The following PIEZO2 variants were observed in gnomAD, a reference collection of about 807,000 sequenced individuals.
PIEZO2 encodes the protein piezo type mechanosensitive ion channel component 2, also known as piezo-type mechanosensitive ion channel component 2.
PIEZO2 carries 172 observed loss-of-function variants against 337.3 expected under a neutral mutation model. The ratio of observed to expected loss-of-function variants is 0.51; its 90% CI spans 0.45 to 0.58. PIEZO2 has a LOEUF of 0.58. PIEZO2 is among the 20% of genes least tolerant of loss of function. PIEZO2 has a pLI of 0.00. For synonymous variants in PIEZO2, 1,251 were observed against 1,228.5 expected, an observed-to-expected ratio of 1.02 and a Z score of -0.38; for missense variants, 3,028 against 3,391.3, an observed-to-expected ratio of 0.89 and a Z score of 2.66.
chr18:10,737,267 A>G (rs1403319812), intron 33 of PIEZO2, among the ~76,000 whole-genome samples: 2 of 147,592 alleles, frequency 1.4e-5, no homozygotes. Flanking sequence ...GGGACAAAAC[A>G]TACATGGCAA....
intron 1 of PIEZO2, among the ~76,000 whole-genome samples, chr18:11,086,364 C>CA (rs1345419623): frequency 2.0e-5 from 3 of 151,728 alleles, no homozygotes; most frequent in Non-Finnish European, 4.4e-5. Flanking sequence ...ACTAAAAATA[C>CA]AAAAAATTAG....
At chr18:10,985,135 T>A (rs1335795461) in intron 2 of PIEZO2, among the ~76,000 whole-genome samples, 2 of 152,072 alleles carry the variant, frequency 1.3e-5, no homozygotes, top group Non-Finnish European at 2.9e-5. Flanking sequence ...CGTGAAAATA[T>A]ATGAAGGTAT....
At position 10,689,862 on chromosome 18, in the gene PIEZO2, A is replaced by G. The variant is rs142235560; in HGVS notation, c.7350-60T>C. ...GTGGGTGGCCCCCACCACCCTGCTC[A>G]CCCAGGAGCTCAAGCAGTTCCTTAA... On this transcript the variant is annotated intron_variant, in intron 48 of 55. Transcript: ENST00000674853. 69 of 1,545,056 alleles carry G rather than the reference A, an allele frequency of 4.5e-5. No homozygotes were observed. The African/African-American group carries it at 7.8e-4, about 17-fold the overall frequency.
rs869210659 is a variant in PIEZO2, at chr18:10,809,260, C to CTTTTTTTTTTTT, written c.918-1998_918-1987dup. On this transcript the variant is annotated intron_variant, in intron 7 of 55. Coordinates refer to ENST00000674853, the MANE Select transcript of PIEZO2 (RefSeq NM_001378183.1). ...ACCTAAGATTTCTCTCTCTCTCTCT[C>CTTTTTTTTTTTT]TTTTTTTTTTTTTTTTTTTTTTTTT... 4.6e-4 allele frequency among the ~76,000 whole-genome samples: 30 copies of CTTTTTTTTTTTT among 65,804 alleles called. 3 individuals carry two copies. Among genetic ancestry groups the CTTTTTTTTTTTT allele is most frequent in the African/African-American group, 1.5e-3 (25 of 16,988 alleles). The allele number at this position is 65,804 out of a possible 152,430, so 43.2% of individuals were successfully genotyped here.
Position 10,716,768 on chromosome 18 carries a change from A to T in PIEZO2, c.5090-952T>A, listed in dbSNP as rs1211979417. ...TAAAGGGGAAGCTTGGCTCTGGAGGATGAAAGGCTTGGAGTTACACCCATC... is the reference window on the plus strand; with the variant it reads ...TAAAGGGGAAGCTTGGCTCTGGAGGTTGAAAGGCTTGGAGTTACACCCATC... On this transcript the variant is annotated intron_variant, in intron 37 of 55. Coordinates refer to ENST00000674853, the MANE Select transcript of PIEZO2 (RefSeq NM_001378183.1). The surrounding 1 kb of genome is among the most constrained non-coding windows in gnomAD (Gnocchi z 4.1). Among the ~76,000 whole-genome samples the T allele has an allele frequency of 6.6e-6, 1 of 151,546 alleles. No homozygotes were observed. The highest frequency in any genetic ancestry group is 1.5e-5 in the Non-Finnish European group (1 of 68,018).
rs373502676 is a variant in PIEZO2, at chr18:11,131,390, C to T, written c.64+17135G>A. ...CTGTCTTCTCTCCCACAGCCTGCACCGATGGCCTCATGGGGAGTTCCCTAT... is the reference window on the plus strand; with the variant it reads ...CTGTCTTCTCTCCCACAGCCTGCACTGATGGCCTCATGGGGAGTTCCCTAT... On this transcript the variant is annotated intron_variant, in intron 1 of 55. Coordinates refer to ENST00000674853, the MANE Select transcript of PIEZO2 (RefSeq NM_001378183.1). This position sits in a 1 kb window ranked among gnomAD's most constrained non-coding sequence, Gnocchi z 5.3. Among the ~76,000 whole-genome samples, 4 of 152,272 alleles carry T rather than the reference C, an allele frequency of 2.6e-5. No homozygotes were observed. The highest frequency in any genetic ancestry group is 1.9e-4 in the East Asian group (1 of 5,170).
At position 10,705,336 on chromosome 18, in the gene PIEZO2, T is replaced by C. The variant is rs1410565532; in HGVS notation, c.5999A>G (p.Lys2000Arg). ...ELTASELLLK[K>R]MFHDDELEES... is the part of the protein sequence containing the mutation. ...TCTGATCTGTTCACTGGACCCTTAC[T>C]TTTTCAGCAGCAGCTCGCTGGCCGT... The change falls in exon 41 of 56, where the codon AAG becomes AGG. Residue 2000 changes from lysine (K) to arginine (R), a missense_variant and splice_region_variant. This residue lies in a region of PIEZO2 where 1,925 missense variants were observed against 2,051.9 expected (regional missense o/e 0.94). Coordinates refer to ENST00000674853, the MANE Select transcript of PIEZO2 (RefSeq NM_001378183.1). 16 of 1,529,878 alleles carry C rather than the reference T, an allele frequency of 1.0e-5. No individual in the cohort carries two copies. Among genetic ancestry groups the C allele is most frequent in the Non-Finnish European group, 1.4e-5 (16 of 1,142,882 alleles). The allele number at this position is 1,529,878 out of a possible 1,614,324, so 94.8% of individuals were successfully genotyped here.
chr18:10,732,763 GC>G (rs2036837049), intron 35 of PIEZO2, among the ~76,000 whole-genome samples: 1 of 152,260 alleles, frequency 6.6e-6, no homozygotes, highest in Admixed American at 6.5e-5. Context: ...ATGTTTATTG[GC>G]TATGTTAATT....
Position 11,059,039 on chromosome 18 carries a change from C to T in PIEZO2, c.160+7088G>A, listed in dbSNP as rs199537631. On this transcript the variant is annotated intron_variant, in intron 2 of 55. Coordinates refer to ENST00000674853, the MANE Select transcript of PIEZO2 (RefSeq NM_001378183.1). Reference sequence around the variant, plus strand: ...GGGTTACCCACAAAGGGAAGCCCACCAGACTAACAGCTGATTTCTCGGCAG... The same window carrying T: ...GGGTTACCCACAAAGGGAAGCCCACTAGACTAACAGCTGATTTCTCGGCAG... Among the ~76,000 whole-genome samples the T allele has an allele frequency of 4.9e-4, 74 of 152,284 alleles. 2 individuals are homozygous for T. In the East Asian group the frequency reaches 0.013, roughly 27 times the overall value.
At chr18:10,919,318 C>T (rs528191595) in intron 3 of PIEZO2, among the ~76,000 whole-genome samples, 75 of 152,142 alleles carry the variant, frequency 4.9e-4, no homozygotes, top group African/African-American at 1.7e-3. Context: ...CTAACTTCCC[C>T]GAATAGAACT....
chr18:10,688,978 T>C (rs545889418), intron 49 of PIEZO2, among the ~76,000 whole-genome samples: 54 of 152,272 alleles, frequency 3.5e-4, no homozygotes, highest in African/African-American at 1.3e-3. Context: ...CCCATGACTG[T>C]AACGCTGAAA....
At chr18:10,765,403 AT>A (rs1278603965) in intron 21 of PIEZO2, among the ~76,000 whole-genome samples, 1 of 152,172 alleles carries the variant, frequency 6.6e-6, no homozygotes, top group Non-Finnish European at 1.5e-5. Context: ...TGTGGGCTGG[AT>A]CCCGGGGGTC....
chr18:10,998,085 A>G (rs1210347581), intron 2 of PIEZO2, among the ~76,000 whole-genome samples: 1 of 152,194 alleles, frequency 6.6e-6, no homozygotes, highest in African/African-American at 2.4e-5. Flanking sequence ...AACTATGAAG[A>G]CTAGCATACA....
intron 1 of PIEZO2, among the ~76,000 whole-genome samples, chr18:11,141,070 A>G (rs1254670514): frequency 1.3e-5 from 2 of 152,176 alleles, no homozygotes; most frequent in South Asian, 2.1e-4. Context: ...ACCCGCTCCA[A>G]TCACCTACAT....
chr18:10,702,028 G>A lies in PIEZO2; in HGVS notation c.6402C>T (p.Ile2134=), dbSNP rs761268161. The part of the protein sequence containing the change: ...KKEGYVLYDL[I]QLLALFFHRS... ...GATGAAAGAACAGAGCCAGGAGCTG[G>A]ATGAGGTCATAGAGAACATAACCTT... Residue 2134 remains isoleucine, a synonymous_variant, in exon 43 of 56, where the codon ATC becomes ATT. Transcript: ENST00000674853. The A allele has an allele frequency of 2.0e-6, 3 of 1,533,772 alleles. No homozygotes were observed. Among genetic ancestry groups the A allele is most frequent in the African/African-American group, 2.7e-5 (2 of 72,768 alleles).
rs2035530915 is a variant in PIEZO2, at chr18:11,001,446, C to T, written c.161-21786G>A. Among the ~76,000 whole-genome samples, 1 of 152,088 alleles carries T rather than the reference C, an allele frequency of 6.6e-6. No individual in the cohort carries two copies. Among genetic ancestry groups the T allele is most frequent in the Admixed American group, 6.5e-5 (1 of 15,276 alleles). On this transcript the variant is annotated intron_variant, in intron 2 of 55. Transcript: ENST00000674853. This position sits in a 1 kb window ranked among gnomAD's most constrained non-coding sequence, Gnocchi z 5.3. ...CTTTCTGCTGTCGCTCTTCTTTGAC[C>T]CTGCTAGAGATGACTTCACTGTCAG...
chr18:11,036,105 A>C (rs766100755), intron 2 of PIEZO2, among the ~76,000 whole-genome samples: 1 of 152,226 alleles, frequency 6.6e-6, no homozygotes, highest in Non-Finnish European at 1.5e-5. Context: ...ATGTGCCTGC[A>C]GTACTGAGAA....
rs1206017857 is a variant in PIEZO2 at position 11,078,044 on chromosome 18, ACC to A, written c.65-11824_65-11823del. 2.1e-4 allele frequency among the ~76,000 whole-genome samples: 21 copies of A among 98,438 alleles called. No homozygotes were observed. The highest frequency in any genetic ancestry group is 5.1e-4 in the African/African-American group (10 of 19,642). 64.6% of individuals were successfully genotyped at this position (98,438 alleles called of 152,430 possible). Reference sequence around the variant, plus strand: ...TGTGCGTGCACACACACCCACACACACCCACACACACACACACACACACCACA... The same window carrying A: ...TGTGCGTGCACACACACCCACACACACACACACACACACACACACACCACA... On this transcript the variant is annotated intron_variant, in intron 1 of 55. Transcript: ENST00000674853. The surrounding 1 kb of genome is among the most constrained non-coding windows in gnomAD (Gnocchi z 5.3).
intron 4 of PIEZO2, among the ~76,000 whole-genome samples, chr18:10,902,253 A>T (rs563371764): frequency 6.6e-6 from 1 of 152,334 alleles, no homozygotes; most frequent in African/African-American, 2.4e-5. Context: ...TCCTGGTCCC[A>T]AAAAGGTTGA....
Sources: gnomAD v4.1 joint callset for allele counts (sites outside exome capture counted in the v4.1 genomes callset) on GRCh38, gnomAD v4.1.1 for gene constraint, gnomAD v4.1.1 regional missense constraint, Gnocchi (gnomAD v3.1) non-coding constraint, MANE v1.5 for transcripts, NCBI Gene and HGNC (gene_info 2026-07-23, HGNC 2026-07-21) for gene names.